The following CHD8 variants were observed in gnomAD, a reference collection of about 807,000 sequenced individuals.
CHD8 encodes the protein chromodomain helicase DNA binding protein 8, also known as ATP-dependent chromatin remodeler CHD8.
A neutral mutation model predicts 279.2 loss-of-function variants in CHD8; 31 were observed. That is an observed-to-expected ratio of 0.11 (90% CI 0.08 to 0.15). CHD8 has a LOEUF of 0.15. Among genes scored for constraint, CHD8 ranks in the 10% least tolerant of loss-of-function variants. The pLI is 1.00. For synonymous variants in CHD8, 1,081 were observed against 1,139.6 expected (o/e 0.95, Z 1.04); for missense variants, 2,146 against 3,230.5 (o/e 0.66, Z 8.14).
At position 21,406,887 on chromosome 14, in the gene CHD8, T is replaced by C; in HGVS notation, c.2876A>G (p.Lys959Arg). 6.2e-7 allele frequency: 1 copy of C among 1,613,732 alleles called. No individual in the cohort carries two copies. Among genetic ancestry groups the C allele is most frequent in the Non-Finnish European group, 8.5e-7 (1 of 1,179,800 alleles). The change falls in exon 14 of 38, where the codon AAG becomes AGG. Residue 959 changes from lysine (K) to arginine (R), a missense_variant. Lys to Arg is a conservative substitution (Grantham distance 26). Transcript: ENST00000646647. ...CATGTGCTTGAGACTATCAAGCAGC[T>C]TGCAATTACGGTTTTTCAGTCGATG... ...EAHRLKNRNC[K>R]LLDSLKHMDL... is the part of the protein sequence containing the mutation.
Position 21,393,980 on chromosome 14 carries a change from G to A in CHD8, c.5815C>T (p.Arg1939Cys), listed in dbSNP as rs376527943. The part of the protein sequence containing the change: ...HDGELLRGAA[R>C]HGVSQTDCNI... ...CAGTCTGTTTGGCTCACCCCATGGC[G>A]GGCTGCCCCTCTTAGAAGCTCCCCA... The change falls in exon 32 of 38, where the codon CGC (arginine) becomes TGC (cysteine). Residue 1939 changes from arginine to cysteine, a missense_variant. By Grantham distance (180) the Arg-to-Cys change is radical (BLOSUM62 -3). This residue lies in a region of CHD8 where 513 missense variants were observed against 637.6 expected (regional missense o/e 0.80). Coordinates refer to ENST00000646647, the MANE Select transcript of CHD8 (RefSeq NM_001170629.2). 1.1e-4 allele frequency: 184 copies of A among 1,613,776 alleles called. No homozygotes were observed. Among genetic ancestry groups the A allele is most frequent in the Non-Finnish European group, 1.5e-4 (174 of 1,179,878 alleles).
Position 21,405,476 on chromosome 14 carries a change from TAC to T in CHD8, c.3052-14_3052-13del, listed in dbSNP as rs1420096926. 1.3e-6 allele frequency: 2 copies of T among 1,596,588 alleles called. No homozygotes were observed. Among genetic ancestry groups the T allele is most frequent in the East Asian group, 2.2e-5 (1 of 44,604 alleles). On this transcript the variant is annotated splice_polypyrimidine_tract_variant and intron_variant, in intron 15 of 37. Coordinates refer to ENST00000646647, the MANE Select transcript of CHD8 (RefSeq NM_001170629.2). The surrounding 1 kb of genome is among the most constrained non-coding windows in gnomAD (Gnocchi z 4.2). ...TGTAGCTTTTGAACCTGTGGTCCATTACAGAGAGAAAAATAAATCAATAAGAT... is the reference window on the plus strand; with the variant it reads ...TGTAGCTTTTGAACCTGTGGTCCATTAGAGAGAAAAATAAATCAATAAGAT...
In CHD8 at chr14:21,426,262, T is replaced by A; in HGVS notation, c.1602-20A>T. 7.5e-7 allele frequency: 1 copy of A among 1,334,092 alleles called. No homozygotes were observed. The highest frequency in any genetic ancestry group is 1.1e-6 in the Non-Finnish European group (1 of 947,446). The allele number at this position is 1,334,092 out of a possible 1,614,324, so 82.6% of individuals were successfully genotyped here. A position where few individuals can be genotyped will look rare whatever the true frequency, so the allele number is the denominator to read the frequency against. On this transcript the variant is annotated intron_variant, in intron 4 of 37. Coordinates refer to ENST00000646647, the MANE Select transcript of CHD8 (RefSeq NM_001170629.2). ...ATGGTGCTAAAAAGGAAAAACCAAA[T>A]TCATTTTCAGTGAAAGCAAAGAAAA... is the stretch of plus-strand genomic sequence containing the variant.
chr14:21,429,180 C>T lies in CHD8; in HGVS notation c.999G>A (p.Gln333=), dbSNP rs1889455988. 1 of 1,613,870 alleles carries T rather than the reference C, an allele frequency of 6.2e-7. No individual in the cohort carries two copies. The highest frequency in any genetic ancestry group is 1.7e-5 in the Admixed American group (1 of 60,002). The change falls in exon 3 of 38, where the codon CAG becomes CAA. Residue 333 remains glutamine, a synonymous_variant. Transcript: ENST00000646647. ...GCTGGATAGTTACTACCTTGGCAGGCTGCCCTTGGGCATTCTTGGCTTGAG... is the reference window on the plus strand; with the variant it reads ...GCTGGATAGTTACTACCTTGGCAGGTTGCCCTTGGGCATTCTTGGCTTGAG... ...ALTQAKNAQG[Q]PAKVVTIQLQ... is the part of the protein sequence containing the mutation.
rs1450808667 is a variant in CHD8 at position 21,396,333 on chromosome 14, G to A, written c.5052-441C>T. ...TTATATATATATTCTTTGACACAGAGTCTCACTCTGTAGGCCAGGCTGGAT... is the reference window on the plus strand; with the variant it reads ...TTATATATATATTCTTTGACACAGAATCTCACTCTGTAGGCCAGGCTGGAT... On this transcript the variant is annotated intron_variant, in intron 27 of 37. Coordinates refer to ENST00000646647, the MANE Select transcript of CHD8 (RefSeq NM_001170629.2). Among the ~76,000 whole-genome samples the A allele has an allele frequency of 2.6e-5, 4 of 151,870 alleles. No homozygotes were observed. In the East Asian group the frequency reaches 7.8e-4, roughly 29 times the overall value.
In CHD8 at chr14:21,393,662, C is replaced by T. The variant is rs774644062; in HGVS notation, c.6133G>A (p.Val2045Ile). ...AGAGGGGTAGTATCAGAGGGGGATA[C>T]TCGCATCTCATAGTCTTGTGGGGTT... ...RPTPQDYEMR[V>I]SPSDTTPLVS... The change falls in exon 32 of 38, where the codon GTA (valine) becomes ATA (isoleucine). Residue 2045 changes from valine to isoleucine, a missense_variant. Coordinates refer to ENST00000646647, the MANE Select transcript of CHD8 (RefSeq NM_001170629.2). 1 of 1,613,986 alleles carries T rather than the reference C, an allele frequency of 6.2e-7. No homozygotes were observed. The highest frequency in any genetic ancestry group is 8.5e-7 in the Non-Finnish European group (1 of 1,179,892).
At chr14:21,436,476 C>G (rs1889783970) in intron 1 of CHD8, among the ~76,000 whole-genome samples, 1 of 152,176 alleles carries the variant, frequency 6.6e-6, no homozygotes, top group South Asian at 2.1e-4. Flanking sequence ...AAAGTGAATG[C>G]AATCACAATT....
intron 1 of CHD8, among the ~76,000 whole-genome samples, chr14:21,443,864 A>AAAAAC (rs1328865787): frequency 2.0e-5 from 3 of 151,574 alleles, no homozygotes; most frequent in Middle Eastern, 3.2e-3. Flanking sequence ...TCAAAAAAAA[A>AAAAAC]AAAAAAAAAA....
intron 1 of CHD8, among the ~76,000 whole-genome samples, chr14:21,444,974 T>G (rs1890076157): frequency 6.6e-6 from 1 of 152,160 alleles, no homozygotes; most frequent in African/African-American, 2.4e-5. Flanking sequence ...AGTTCCCCCA[T>G]CCCTATCCCA....
chr14:21,411,001 G>A (rs564897697), intron 10 of CHD8, among the ~76,000 whole-genome samples: 1 of 152,184 alleles, frequency 6.6e-6, no homozygotes, highest in South Asian at 2.1e-4. Context: ...GCAGAGGTGG[G>A]GAAAATGGGT....
At chr14:21,397,412 G>A (rs1384981010) in intron 27 of CHD8, 5 of 514,896 alleles carry the variant, frequency 9.7e-6, no homozygotes, top group South Asian at 7.0e-5. Flanking sequence ...CATGTTTTCA[G>A]GCAAAATAAG....
chr14:21,410,432 T>C (rs1225648356), intron 10 of CHD8, among the ~76,000 whole-genome samples: 3 of 152,212 alleles, frequency 2.0e-5, no homozygotes, highest in Non-Finnish European at 2.9e-5. Context: ...CTAGAGCTCA[T>C]TGCAGATGCA....
At chr14:21,426,378 G>A (rs1889319125) in intron 4 of CHD8, 136 bp from the exon 5 acceptor site, 3 of 596,470 alleles carry the variant, frequency 5.0e-6, no homozygotes, top group Non-Finnish European at 5.9e-6. Context: ...AGGACACACA[G>A]CTACTAAATA....
chr14:21,419,867 GC>G, intron 5 of CHD8: 2 of 349,898 alleles, frequency 5.7e-6, no homozygotes, highest in Non-Finnish European at 5.8e-6. Flanking sequence ...CCAGTGATGA[GC>G]CCCCAAAAGA....
Position 21,427,950 on chromosome 14 carries a change from G to C in CHD8, c.1520C>G (p.Ala507Gly). Reference protein sequence around the residue: ...EGEKKRRKKSAGERLKEEKPK... With the variant: ...EGEKKRRKKSGGERLKEEKPK... ...CTTCTCCTCTTTCAGCCTCTCCCCA[G>C]CACTCTTCTTCCTGCGTTTCTTCTC... The change falls in exon 4 of 38, where the codon GCT becomes GGT. Residue 507 changes from alanine (A) to glycine (G), a missense_variant. Transcript: ENST00000646647. 6.2e-7 allele frequency: 1 copy of C among 1,614,034 alleles called. No individual in the cohort carries two copies. The highest frequency in any genetic ancestry group is 1.3e-5 in the African/African-American group (1 of 75,044).
chr14:21,422,361 G>A (rs751526236), intron 5 of CHD8, among the ~76,000 whole-genome samples: 2 of 152,032 alleles, frequency 1.3e-5, no homozygotes, highest in Non-Finnish European at 2.9e-5. Flanking sequence ...GACAAGAAAT[G>A]TCCATAGTTT....
Position 21,403,801 on chromosome 14 carries a change from A to G in CHD8, c.3308-138T>C. On this transcript the variant is annotated intron_variant, in intron 16 of 37. Coordinates refer to ENST00000646647, the MANE Select transcript of CHD8 (RefSeq NM_001170629.2). This position sits in a 1 kb window ranked among gnomAD's most constrained non-coding sequence, Gnocchi z 4.3. ...TTTCTCACACACAGAATTTCAGCACAAAAAAGTCTTAAATCGGCTGGGTAC... is the reference window on the plus strand; with the variant it reads ...TTTCTCACACACAGAATTTCAGCACGAAAAAGTCTTAAATCGGCTGGGTAC... 1.3e-6 allele frequency: 1 copy of G among 799,494 alleles called. No individual in the cohort carries two copies. Among genetic ancestry groups the G allele is most frequent in the Non-Finnish European group, 2.0e-6 (1 of 505,384 alleles). 49.5% of individuals were successfully genotyped at this position (799,494 alleles called of 1,614,324 possible).
chr14:21,415,247 C>T lies in CHD8; in HGVS notation c.1969-254G>A. 8.5e-6 allele frequency: 4 copies of T among 468,270 alleles called. No homozygotes were observed. The South Asian group carries it at 1.2e-4, about 14-fold the overall frequency. 29.0% of individuals were successfully genotyped at this position (468,270 alleles called of 1,614,324 possible). A position where few individuals can be genotyped will look rare whatever the true frequency, so the allele number is the denominator to read the frequency against. The stretch of plus-strand genomic sequence containing the variant: ...TCCTGTTTTCTAGCTAACTTTCCTC[C>T]ATCATCTCTCACAACTACACCTTAG... On this transcript the variant is annotated intron_variant, in intron 7 of 37. Coordinates refer to ENST00000646647, the MANE Select transcript of CHD8 (RefSeq NM_001170629.2).
intron 34 of CHD8, chr14:21,392,221 T>C (rs773126066): frequency 4.0e-6 from 3 of 754,476 alleles, no homozygotes; most frequent in Admixed American, 3.4e-5. Context: ...CTACCTGGTG[T>C]CTCCGTATTA....
Sources: allele counts gnomAD v4.1 joint callset (sites outside exome capture counted in the v4.1 genomes callset), GRCh38; gene constraint gnomAD v4.1.1; regional missense constraint gnomAD v4.1.1; non-coding constraint Gnocchi (gnomAD v3.1); transcripts MANE v1.5; gene names NCBI Gene and HGNC (gene_info 2026-07-23, HGNC 2026-07-21).